ANKRD11: variants seen among roughly 807,000 people sequenced by gnomAD.
ANKRD11 encodes ankyrin repeat domain 11.
A neutral mutation model predicts 195.7 loss-of-function variants in ANKRD11; 17 were observed. That is an observed-to-expected ratio of 0.09 (90% CI 0.06 to 0.13). The LOEUF is 0.13. ANKRD11 is among the 10% of genes least tolerant of loss of function. ANKRD11 has a pLI of 1.00. For synonymous variants in ANKRD11, 1,953 were observed against 1,528.1 expected (o/e 1.28, Z -6.49); for missense variants, 3,735 against 3,566.1 (o/e 1.05, Z -1.21).
intron 2 of ANKRD11, among the ~76,000 whole-genome samples, chr16:89,413,260 T>A (rs2042167350): frequency 6.6e-6 from 1 of 152,232 alleles, no homozygotes; most frequent in African/African-American, 2.4e-5. Flanking sequence ...GCATAATTAC[T>A]ACGCATATTT....
intron 3 of ANKRD11, chr16:89,313,484 C>T (rs138088963): frequency 7.8e-7 from 1 of 1,289,102 alleles, no homozygotes. Flanking sequence ...AAGGGACACG[C>T]ACAAGCCGTC....
intron 3 of ANKRD11, among the ~76,000 whole-genome samples, chr16:89,313,046 C>T (rs768426866): frequency 6.6e-5 from 10 of 152,152 alleles, no homozygotes; most frequent in East Asian, 5.8e-4. Flanking sequence ...TGCCCATGGA[C>T]GCCATCTCCA....
intron 6 of ANKRD11, among the ~76,000 whole-genome samples, chr16:89,289,623 G>A (rs543773555): frequency 1.3e-5 from 2 of 152,314 alleles, no homozygotes; most frequent in Admixed American, 6.5e-5. Context: ...CCGGCCTCCC[G>A]GCTCAGAGGT....
chr16:89,293,939 C>T (rs182272915), intron 4 of ANKRD11, among the ~76,000 whole-genome samples: 42 of 152,264 alleles, frequency 2.8e-4, no homozygotes, highest in East Asian at 5.8e-4. Flanking sequence ...GCTGCGTCCC[C>T]GCTCTGAGGG....
At chr16:89,445,011 C>T (rs759620287) in intron 1 of ANKRD11, among the ~76,000 whole-genome samples, 9 of 152,120 alleles carry the variant, frequency 5.9e-5, no homozygotes, top group African/African-American at 9.7e-5. Context: ...ACCACACAGA[C>T]CCGTTCAGCA....
chr16:89,292,246 G>A (rs941448982), intron 4 of ANKRD11, among the ~76,000 whole-genome samples: 3 of 152,162 alleles, frequency 2.0e-5, no homozygotes, highest in Non-Finnish European at 2.9e-5. Flanking sequence ...GCACTCCCAA[G>A]AAGCCTCTCT....
At chr16:89,413,541 C>T (rs2042178792) in intron 2 of ANKRD11, among the ~76,000 whole-genome samples, 2 of 152,128 alleles carry the variant, frequency 1.3e-5, no homozygotes, top group African/African-American at 4.8e-5. Flanking sequence ...AGGAGAATGG[C>T]GTGAACCCGG....
chr16:89,460,804 G>C (rs1006228893), intron 1 of ANKRD11, among the ~76,000 whole-genome samples: 4 of 152,112 alleles, frequency 2.6e-5, no homozygotes, highest in Admixed American at 2.6e-4. Flanking sequence ...TCTGAGCTGT[G>C]GGGCAAACTG....
intron 6 of ANKRD11, among the ~76,000 whole-genome samples, chr16:89,289,557 A>C (rs1448343451): frequency 4.6e-5 from 7 of 152,154 alleles, no homozygotes. Context: ...GTCCCAGGCA[A>C]GCCCCAGGAC....
intron 1 of ANKRD11, among the ~76,000 whole-genome samples, chr16:89,485,480 ACT>A (rs2057581843): frequency 6.6e-6 from 1 of 152,008 alleles, no homozygotes; most frequent in African/African-American, 2.4e-5. Flanking sequence ...GGTGACAGAG[ACT>A]CTGTCTCAAA....
Position 89,284,903 on chromosome 16 carries a change from G to A in ANKRD11, c.1639C>T (p.Arg547Trp), listed in dbSNP as rs1178134024. The change falls in exon 9 of 13, where the codon CGG becomes TGG. Residue 547 changes from arginine to tryptophan, a missense_variant. Coordinates refer to ENST00000301030, the MANE Select transcript of ANKRD11 (RefSeq NM_013275.6). ...SHTDQHTKHW[R>W]TDNWKTISSP... ...GAAATGGTTTTCCAATTGTCTGTCCGCCAGTGCTTGGTGTGCTGGTCTGTG... is the reference window on the plus strand; with the variant it reads ...GAAATGGTTTTCCAATTGTCTGTCCACCAGTGCTTGGTGTGCTGGTCTGTG... The A allele has an allele frequency of 3.1e-6, 5 of 1,614,162 alleles. No individual in the cohort carries two copies. The highest frequency in any genetic ancestry group is 2.7e-5 in the African/African-American group (2 of 75,050).
chr16:89,428,445 G>C (rs965695329), intron 1 of ANKRD11, among the ~76,000 whole-genome samples: 3 of 152,010 alleles, frequency 2.0e-5, no homozygotes, highest in Non-Finnish European at 4.4e-5. Flanking sequence ...AAAATGTTGT[G>C]AACCTGGGAG....
chr16:89,415,307 C>T (rs1345687453), intron 2 of ANKRD11, among the ~76,000 whole-genome samples: 4 of 139,182 alleles, frequency 2.9e-5, no homozygotes, highest in Non-Finnish European at 4.6e-5. Context: ...CTCTGTCGCC[C>T]AGGCTGGAGC....
chr16:89,437,159 T>C (rs1383824080), intron 1 of ANKRD11, among the ~76,000 whole-genome samples: 1 of 152,160 alleles, frequency 6.6e-6, no homozygotes, highest in Admixed American at 6.5e-5. Context: ...GATCCATCAC[T>C]GAAAGCGCAG....
At chr16:89,391,227 C>CAAAAAA (rs35753411) in intron 2 of ANKRD11, among the ~76,000 whole-genome samples, 1 of 95,338 alleles carries the variant, frequency 1.0e-5, no homozygotes, top group African/African-American at 3.8e-5. Context: ...GACTCTGTCT[C>CAAAAAA]AAAAAAAAAA....
chr16:89,410,561 C>T (rs1402428508), intron 2 of ANKRD11, among the ~76,000 whole-genome samples: 1 of 152,154 alleles, frequency 6.6e-6, no homozygotes, highest in African/African-American at 2.4e-5. Flanking sequence ...CTGCCCTCTG[C>T]TTACTGCTCT....
chr16:89,340,278 TTTG>T (rs760904092), intron 2 of ANKRD11, among the ~76,000 whole-genome samples: 114 of 152,316 alleles, frequency 7.5e-4, no homozygotes, highest in Non-Finnish European at 1.2e-3. Context: ...TGTTGTAATT[TTTG>T]TTGTTGTTGT....
At chr16:89,417,006 C>T (rs1567775754) in intron 2 of ANKRD11, among the ~76,000 whole-genome samples, 1 of 152,062 alleles carries the variant, frequency 6.6e-6, no homozygotes, top group South Asian at 2.1e-4. Context: ...CACAAACATG[C>T]CCACTACCCA....
At chr16:89,405,068 G>A (rs1259562090) in intron 2 of ANKRD11, among the ~76,000 whole-genome samples, 9 of 151,994 alleles carry the variant, frequency 5.9e-5, no homozygotes, top group African/African-American at 1.4e-4. Flanking sequence ...CCGACGCCCC[G>A]TCACACGCTC....
Sources: allele counts gnomAD v4.1 joint callset (sites outside exome capture counted in the v4.1 genomes callset), GRCh38; gene constraint gnomAD v4.1.1; transcripts MANE v1.5; gene names NCBI Gene and HGNC (gene_info 2026-07-23, HGNC 2026-07-21).